Variants in ABTB3 observed in about 807,000 individuals in gnomAD.
ABTB3 encodes the protein ankyrin repeat- and BTB/POZ domain-containing protein 3.
the ABTB3 span, among the ~76,000 whole-genome samples, chr12:107,585,666 T>C: frequency 6.6e-6 from 1 of 152,244 alleles, no homozygotes; most frequent in South Asian, 2.1e-4. Flanking sequence ...CTTTTGAGGC[T>C]GACAGGTTTT....
the ABTB3 span, among the ~76,000 whole-genome samples, chr12:107,582,797 G>A: frequency 3.9e-5 from 6 of 152,110 alleles, no homozygotes; most frequent in Non-Finnish European, 4.4e-5. Flanking sequence ...AGGGGTGGGC[G>A]GGGCACATTC....
At chr12:107,657,050 A>G in the ABTB3 span, among the ~76,000 whole-genome samples, 1 of 143,606 alleles carries the variant, frequency 7.0e-6, no homozygotes, top group Non-Finnish European at 1.6e-5. Flanking sequence ...CTCAAAAAAA[A>G]CAAAAAAAAG....
At chr12:107,658,346 T>A in the ABTB3 span, 1 of 153,040 alleles carries the variant, frequency 6.5e-6, no homozygotes, top group Non-Finnish European at 1.5e-5. Flanking sequence ...TTCTTTTTTT[T>A]TTTTAAATAG....
the ABTB3 span, among the ~76,000 whole-genome samples, chr12:107,642,786 G>A: frequency 6.6e-6 from 1 of 151,726 alleles, no homozygotes; most frequent in Non-Finnish European, 1.5e-5. Context: ...AGGCTTCCTG[G>A]TCCAAGGCCA....
At chr12:107,455,321 G>C in the ABTB3 span, among the ~76,000 whole-genome samples, 1 of 152,110 alleles carries the variant, frequency 6.6e-6, no homozygotes, top group Non-Finnish European at 1.5e-5. Flanking sequence ...GCCCAAAGGG[G>C]GTTCAGGTCC....
the ABTB3 span, chr12:107,620,271 A>G: frequency 5.0e-6 from 7 of 1,406,088 alleles, no homozygotes; most frequent in Non-Finnish European, 5.8e-6. Context: ...TGGGATCACT[A>G]CGGTCATAGC....
chr12:107,466,634 C>G, the ABTB3 span, among the ~76,000 whole-genome samples: 1 of 152,000 alleles, frequency 6.6e-6, no homozygotes, highest in Non-Finnish European at 1.5e-5. Context: ...GGTCTGCAGA[C>G]TTCGGCAGGG....
the ABTB3 span, among the ~76,000 whole-genome samples, chr12:107,506,104 C>T: frequency 6.6e-6 from 1 of 152,152 alleles, no homozygotes; most frequent in Non-Finnish European, 1.5e-5. Flanking sequence ...TGAGAAATCG[C>T]CATACTGTCT....
At chr12:107,448,931 C>A in the ABTB3 span, among the ~76,000 whole-genome samples, 4 of 152,242 alleles carry the variant, frequency 2.6e-5, no homozygotes, top group Non-Finnish European at 5.9e-5. Context: ...GTGATGAGTT[C>A]TTTAATGACT....
chr12:107,617,617 A>G, the ABTB3 span: 18 of 670,742 alleles, frequency 2.7e-5, no homozygotes, highest in Non-Finnish European at 3.9e-5. Context: ...AACTCCATGC[A>G]GTGCACATCC....
chr12:107,651,096 A>G, the ABTB3 span, among the ~76,000 whole-genome samples: 1 of 151,386 alleles, frequency 6.6e-6, no homozygotes, highest in Non-Finnish European at 1.5e-5. Context: ...CTCAACACAC[A>G]TCTGTCGAGC....
chr12:107,625,236 C>G, the ABTB3 span, among the ~76,000 whole-genome samples: 5 of 152,122 alleles, frequency 3.3e-5, no homozygotes, highest in African/African-American at 1.2e-4. Flanking sequence ...GATACTAGTC[C>G]TTTGTCAGAT....
the ABTB3 span, among the ~76,000 whole-genome samples, chr12:107,403,043 T>G: frequency 7.2e-5 from 11 of 152,294 alleles, no homozygotes; most frequent in Admixed American, 2.6e-4. Context: ...CTGCTCCAGG[T>G]TGTGGAGAGG....
At chr12:107,520,673 A>G in the ABTB3 span, 4 of 1,608,764 alleles carry the variant, frequency 2.5e-6, no homozygotes, top group African/African-American at 2.7e-5. Flanking sequence ...TCATGCCTCA[A>G]GACATATCCT....
chr12:107,506,592 A>G, the ABTB3 span, among the ~76,000 whole-genome samples: 2 of 152,346 alleles, frequency 1.3e-5, no homozygotes, highest in South Asian at 2.1e-4. Context: ...ATTAAATTAG[A>G]TACCATTTTC....
the ABTB3 span, among the ~76,000 whole-genome samples, chr12:107,455,044 C>T: frequency 1.3e-5 from 2 of 152,310 alleles, no homozygotes; most frequent in Non-Finnish European, 2.9e-5. Flanking sequence ...AGAGACATTG[C>T]TATTATGGAG....
At chr12:107,604,570 C>G in the ABTB3 span, among the ~76,000 whole-genome samples, 1 of 152,164 alleles carries the variant, frequency 6.6e-6, no homozygotes, top group Non-Finnish European at 1.5e-5. Context: ...AATGAGATAT[C>G]GCTTCACACC....
the ABTB3 span, among the ~76,000 whole-genome samples, chr12:107,394,343 A>G: frequency 6.6e-6 from 1 of 152,180 alleles, no homozygotes; most frequent in Non-Finnish European, 1.5e-5. Context: ...TTCATTAGGA[A>G]GGTTTGTTTC....
the ABTB3 span, among the ~76,000 whole-genome samples, chr12:107,321,603 CCACACACACACA>C: frequency 5.9e-5 from 5 of 85,434 alleles, no homozygotes; most frequent in African/African-American, 2.2e-4. Flanking sequence ...ATCTTCGAGG[CCACACACACACA>C]CACACACACA....
Sources: gnomAD v4.1 joint callset for allele counts (sites outside exome capture counted in the v4.1 genomes callset) on GRCh38, gnomAD v4.1.1 for gene constraint, MANE v1.5 for transcripts, NCBI Gene and HGNC (gene_info 2026-07-23, HGNC 2026-07-21) for gene names.